Variants in UBE2H observed in about 807,000 individuals in gnomAD.
UBE2H encodes ubiquitin conjugating enzyme E2 H, also known as ubiquitin-conjugating enzyme E2 H.
Under a neutral mutation model 29.0 loss-of-function variants are expected in UBE2H, and 3 were observed. That is an observed-to-expected ratio of 0.10 (90% CI 0.05 to 0.27). The LOEUF is 0.27. Among genes scored for constraint, UBE2H ranks in the 10% least tolerant of loss-of-function variants. UBE2H has a pLI of 1.00. For missense variants in UBE2H, 68 were observed against 228.2 expected, an observed-to-expected ratio of 0.30 and a Z score of 4.52; for synonymous variants, 69 against 82.9, an observed-to-expected ratio of 0.83 and a Z score of 0.91.
In UBE2H at chr7:129,888,663, C is replaced by T. The variant is rs561829009; in HGVS notation, c.54-7692G>A. Among the ~76,000 whole-genome samples, 7 of 152,190 alleles carry T rather than the reference C, an allele frequency of 4.6e-5. No individual in the cohort carries two copies. In the South Asian group the frequency reaches 8.3e-4, roughly 18 times the overall value. On this transcript the variant is annotated intron_variant, in intron 1 of 6. Coordinates refer to ENST00000355621, the MANE Select transcript of UBE2H (RefSeq NM_003344.4). ...CTAATTTTTGTATTTTCAGTAGAGA[C>T]GGAGTTTCACCATATTGGCCAGGCT...
At chr7:129,842,991 ACAGT>A (rs1423439183) in intron 5 of UBE2H, among the ~76,000 whole-genome samples, 1 of 151,924 alleles carries the variant, frequency 6.6e-6, no homozygotes, top group African/African-American at 2.4e-5. Flanking sequence ...AGTTACATTA[ACAGT>A]AATTTTTTTT....
intron 1 of UBE2H, among the ~76,000 whole-genome samples, chr7:129,925,658 T>C (rs1231183420): frequency 6.6e-6 from 1 of 152,168 alleles, no homozygotes; most frequent in Non-Finnish European, 1.5e-5. Flanking sequence ...ATCAGGGCAA[T>C]GTGTAGGGAG....
At chr7:129,837,034 C>T (rs949607109) in intron 6 of UBE2H, among the ~76,000 whole-genome samples, 2 of 152,072 alleles carry the variant, frequency 1.3e-5, no homozygotes, top group African/African-American at 4.8e-5. Flanking sequence ...CCAATGGTGC[C>T]CAGTGCTACG....
At chr7:129,865,043 A>T (rs1393956665) in intron 3 of UBE2H, 1 of 442,290 alleles carries the variant, frequency 2.3e-6, no homozygotes, top group African/African-American at 2.0e-5. Flanking sequence ...TTTTAGCAGA[A>T]GGGAATTAGG....
intron 6 of UBE2H, among the ~76,000 whole-genome samples, chr7:129,837,074 A>G (rs1299493090): frequency 6.6e-6 from 1 of 152,084 alleles, no homozygotes; most frequent in Non-Finnish European, 1.5e-5. Flanking sequence ...ACTTTTTCAA[A>G]CATGTACTAT....
intron 3 of UBE2H, among the ~76,000 whole-genome samples, chr7:129,867,737 A>AT: frequency 7.2e-6 from 1 of 138,748 alleles, no homozygotes; most frequent in Non-Finnish European, 1.6e-5. Context: ...AAAAAAAAAA[A>AT]AAAAAGAAGA....
At chr7:129,939,190 A>G (rs1333901184) in intron 1 of UBE2H, among the ~76,000 whole-genome samples, 1 of 152,130 alleles carries the variant, frequency 6.6e-6, no homozygotes, top group African/African-American at 2.4e-5. Flanking sequence ...ATTTTTAGAG[A>G]CAGGGTCTCA....
At chr7:129,836,538 C>T (rs1233711871) in intron 6 of UBE2H, among the ~76,000 whole-genome samples, 1 of 152,186 alleles carries the variant, frequency 6.6e-6, no homozygotes, top group East Asian at 1.9e-4. Context: ...CAGGGAAAGG[C>T]TTTGTTTTGT....
chr7:129,929,975 A>C (rs574994909), intron 1 of UBE2H, among the ~76,000 whole-genome samples: 5 of 152,240 alleles, frequency 3.3e-5, no homozygotes, highest in Admixed American at 2.6e-4. Context: ...GCACTGCTGC[A>C]CTCCAGCCTG....
At chr7:129,929,803 C>T (rs957345875) in intron 1 of UBE2H, among the ~76,000 whole-genome samples, 2 of 151,918 alleles carry the variant, frequency 1.3e-5, no homozygotes, top group South Asian at 2.1e-4. Context: ...TGAGGTCAGG[C>T]GTTCGAGACC....
intron 1 of UBE2H, among the ~76,000 whole-genome samples, chr7:129,939,597 C>T (rs1807600270): frequency 6.6e-6 from 1 of 152,164 alleles, no homozygotes; most frequent in Non-Finnish European, 1.5e-5. Context: ...AAATGTCCAA[C>T]CAAATTCTGA....
At chr7:129,933,534 C>T (rs1350216667) in intron 1 of UBE2H, among the ~76,000 whole-genome samples, 2 of 152,112 alleles carry the variant, frequency 1.3e-5, no homozygotes, top group African/African-American at 2.4e-5. Flanking sequence ...CATCTGAAAA[C>T]GGCATTGAAT....
chr7:129,932,856 T>C lies in UBE2H; in HGVS notation c.53+19647A>G, dbSNP rs371768374. ...CTGTTGGCTGGGCAAAAAGGGCACA[T>C]AATGAATCAATATTACTATGAAAAG... On this transcript the variant is annotated intron_variant, in intron 1 of 6. Coordinates refer to ENST00000355621, the MANE Select transcript of UBE2H (RefSeq NM_003344.4). Among the ~76,000 whole-genome samples the C allele has an allele frequency of 9.0e-5, 13 of 143,960 alleles. No individual in the cohort carries two copies. In the East Asian group the frequency reaches 2.6e-3, roughly 29 times the overall value. 94.4% of individuals were successfully genotyped at this position (143,960 alleles called of 152,430 possible). A position where few individuals can be genotyped will look rare whatever the true frequency, so the allele number is the denominator to read the frequency against.
chr7:129,853,751 G>A (rs1805653513), intron 5 of UBE2H, among the ~76,000 whole-genome samples: 1 of 152,172 alleles, frequency 6.6e-6, no homozygotes, highest in Non-Finnish European at 1.5e-5. Context: ...GGGGAAGGGT[G>A]TGAGGGGACA....
At chr7:129,880,833 T>C (rs756203782) in intron 2 of UBE2H, 62 bp downstream of exon 2, 1 of 1,460,990 alleles carries the variant, frequency 6.8e-7, no homozygotes, top group Non-Finnish European at 9.4e-7. Context: ...GTCTTTGATA[T>C]TCTATTAAGA....
chr7:129,934,635 CT>C (rs201957627), intron 1 of UBE2H, among the ~76,000 whole-genome samples: 2 of 100,858 alleles, frequency 2.0e-5, no homozygotes, highest in Non-Finnish European at 3.6e-5. Flanking sequence ...AAGACTCCGT[CT>C]TTAAAAAAAA....
At chr7:129,891,953 CTT>C (rs753851134) in intron 1 of UBE2H, among the ~76,000 whole-genome samples, 31 of 127,090 alleles carry the variant, frequency 2.4e-4, no homozygotes, top group African/African-American at 5.2e-4. Context: ...CATGCTACAC[CTT>C]TTTTTTTTTT....
chr7:129,850,823 A>AAGAGAGAG (rs745877079), intron 5 of UBE2H, among the ~76,000 whole-genome samples: 1 of 147,520 alleles, frequency 6.8e-6, no homozygotes, highest in African/African-American at 2.5e-5. Flanking sequence ...TCAAAAAAGA[A>AAGAGAGAG]AGAGAGAGAG....
chr7:129,920,792 T>C (rs779566561), intron 1 of UBE2H, among the ~76,000 whole-genome samples: 4 of 145,278 alleles, frequency 2.8e-5, no homozygotes, highest in Non-Finnish European at 4.5e-5. Context: ...TTTGTTGTGG[T>C]GCTTAAAATA....
Sources: gnomAD v4.1 joint callset for allele counts (sites outside exome capture counted in the v4.1 genomes callset) on GRCh38, gnomAD v4.1.1 for gene constraint, MANE v1.5 for transcripts, NCBI Gene and HGNC (gene_info 2026-07-23, HGNC 2026-07-21) for gene names.